Variants in COL19A1 observed in about 807,000 individuals in gnomAD.
The protein encoded by COL19A1 is collagen alpha-1(XIX) chain.
COL19A1 carries 159 observed loss-of-function variants against 190.2 expected under a neutral mutation model. The observed-to-expected ratio is 0.84, with a 90% confidence interval of 0.73 to 0.95. The LOEUF is 0.95. Among genes scored for constraint, COL19A1 ranks in the 40% least tolerant of loss-of-function variants. The probability of loss-of-function intolerance (pLI) is 0.00; values close to 1 mark genes in which losing one functional copy is unlikely to be tolerated. For missense variants in COL19A1, 1,418 were observed against 1,431.9 expected, an observed-to-expected ratio of 0.99 and a Z score of 0.16; for synonymous variants, 509 against 458.9, an observed-to-expected ratio of 1.11 and a Z score of -1.39.
Position 70,076,547 on chromosome 6 carries a change from G to C in COL19A1, c.1224+8071G>C, listed in dbSNP as rs115246118. Among the ~76,000 whole-genome samples, 350 of 152,318 alleles carry C rather than the reference G, an allele frequency of 2.3e-3. 6 individuals carry two copies. Among genetic ancestry groups the C allele is most frequent in the African/African-American group, 8.0e-3 (332 of 41,572 alleles). Reference sequence around the variant, plus strand: ...AACCTGCACCAACATTTGGGAACCAGCAATGCCTGGCCAGTGAGGGACCAG... The same window carrying C: ...AACCTGCACCAACATTTGGGAACCACCAATGCCTGGCCAGTGAGGGACCAG... On this transcript the variant is annotated intron_variant, in intron 15 of 50. Coordinates refer to ENST00000620364, the MANE Select transcript of COL19A1 (RefSeq NM_001858.6).
chr6:69,870,179 C>T (rs1582234616), intron 1 of COL19A1, among the ~76,000 whole-genome samples: 1 of 152,122 alleles, frequency 6.6e-6, no homozygotes. Context: ...AGTGTATTGC[C>T]TTAGACTGTA....
chr6:69,944,475 A>G (rs540997418), intron 9 of COL19A1, among the ~76,000 whole-genome samples: 3 of 152,284 alleles, frequency 2.0e-5, no homozygotes, highest in Admixed American at 2.0e-4. Flanking sequence ...CTGCTGAGCA[A>G]GGCAAAGATT....
At chr6:69,986,221 T>TTATATA (rs57648174) in intron 11 of COL19A1, among the ~76,000 whole-genome samples, 178 of 138,272 alleles carry the variant, frequency 1.3e-3, no homozygotes, top group Middle Eastern at 7.6e-3. Context: ...CTTACACGTT[T>TTATATA]TATATATATA....
chr6:70,124,336 TG>T (rs1337545492), intron 17 of COL19A1, among the ~76,000 whole-genome samples: 1 of 152,162 alleles, frequency 6.6e-6, no homozygotes, highest in Non-Finnish European at 1.5e-5. Context: ...CTATCGCCCT[TG>T]GTATAAAATA....
At chr6:70,152,939 G>A (rs538358899) in intron 31 of COL19A1, among the ~76,000 whole-genome samples, 6 of 152,096 alleles carry the variant, frequency 3.9e-5, no homozygotes, top group South Asian at 2.1e-4. Flanking sequence ...AGGCTCTGAC[G>A]GGAAGTGGAA....
chr6:69,972,065 A>G (rs78698850), intron 11 of COL19A1, among the ~76,000 whole-genome samples: 375 of 152,310 alleles, frequency 2.5e-3, no homozygotes, highest in Non-Finnish European at 4.8e-3. Flanking sequence ...TATTCCAGCC[A>G]CACTGACCTT....
intron 7 of COL19A1, among the ~76,000 whole-genome samples, chr6:69,936,231 G>A (rs889704446): frequency 6.6e-6 from 1 of 152,064 alleles, no homozygotes. Flanking sequence ...TGCACTACTT[G>A]TCTGTTGTAG....
intron 15 of COL19A1, among the ~76,000 whole-genome samples, chr6:70,076,772 A>G (rs529762005): frequency 6.6e-6 from 1 of 152,196 alleles, no homozygotes; most frequent in Non-Finnish European, 1.5e-5. Context: ...TATAAATATT[A>G]CCTACTTAGC....
intron 9 of COL19A1, among the ~76,000 whole-genome samples, chr6:69,941,707 T>C (rs575537485): frequency 1.3e-5 from 2 of 149,568 alleles, no homozygotes; most frequent in East Asian, 3.9e-4. Flanking sequence ...TTTTTTTTTT[T>C]AGACAGAGAC....
At chr6:70,040,799 T>G (rs1040676336) in intron 14 of COL19A1, among the ~76,000 whole-genome samples, 1 of 152,232 alleles carries the variant, frequency 6.6e-6, no homozygotes, top group Non-Finnish European at 1.5e-5. Flanking sequence ...CCTTTAAATA[T>G]TCTGTCAATC....
intron 15 of COL19A1, among the ~76,000 whole-genome samples, chr6:70,074,160 G>C (rs944313585): frequency 6.6e-6 from 1 of 152,138 alleles, no homozygotes; most frequent in Non-Finnish European, 1.5e-5. Flanking sequence ...CAGCAAGACA[G>C]TAATGCAGGT....
chr6:70,145,060 C>T, intron 25 of COL19A1, 53 bp downstream of exon 25: 7 of 1,254,762 alleles, frequency 5.6e-6, no homozygotes, highest in Non-Finnish European at 8.0e-6. Context: ...TTAATTACTA[C>T]TTGTGGGTTC....
In COL19A1 at chr6:70,172,689, A is replaced by G. The variant is rs144824586; in HGVS notation, c.2622+672A>G. ...TGGTAGAATTATCTTTGTTCATGAT[A>G]TGTTAGAAAATAAATAAAAGATTGC... is the stretch of plus-strand genomic sequence containing the variant. On this transcript the variant is annotated intron_variant, in intron 41 of 50. Transcript: ENST00000620364. Among the ~76,000 whole-genome samples, 355 of 152,328 alleles carry G rather than the reference A, an allele frequency of 2.3e-3. 3 individuals are homozygous for G. Among genetic ancestry groups the G allele is most frequent in the African/African-American group, 7.9e-3 (328 of 41,580 alleles).
At chr6:70,121,825 A>G (rs1784895282) in intron 16 of COL19A1, 55 bp from the exon 17 acceptor site, 2 of 1,099,938 alleles carry the variant, frequency 1.8e-6, no homozygotes, top group Non-Finnish European at 2.7e-6. Flanking sequence ...TTATTTAAAT[A>G]TTCATTGTTT....
chr6:70,205,847 C>A (rs980317423), intron 49 of COL19A1, among the ~76,000 whole-genome samples: 1 of 152,128 alleles, frequency 6.6e-6, no homozygotes, highest in Non-Finnish European at 1.5e-5. Flanking sequence ...AGATCTTAGA[C>A]CTAATTCATT....
intron 2 of COL19A1, among the ~76,000 whole-genome samples, chr6:69,881,482 G>A (rs1417393988): frequency 1.3e-5 from 2 of 152,174 alleles, no homozygotes; most frequent in Non-Finnish European, 2.9e-5. Flanking sequence ...TGTCTAGAAC[G>A]TAATCATCTT....
chr6:69,929,835 G>C lies in COL19A1; in HGVS notation c.666+135G>C, dbSNP rs74883689. ...ATTTTATTAATTTAATTAATTTGCCGTCAGATGTGTGAAGAACAGCTATGT... is the reference window on the plus strand; with the variant it reads ...ATTTTATTAATTTAATTAATTTGCCCTCAGATGTGTGAAGAACAGCTATGT... On this transcript the variant is annotated intron_variant, in intron 6 of 50. Coordinates refer to ENST00000620364, the MANE Select transcript of COL19A1 (RefSeq NM_001858.6). 1.3e-4 allele frequency: 104 copies of C among 812,882 alleles called. 1 individual carries two copies. The African/African-American group carries it at 1.5e-3, about 12-fold the overall frequency. 50.4% of individuals were successfully genotyped at this position (812,882 alleles called of 1,614,324 possible).
chr6:70,146,632 T>C (rs1562218254), intron 25 of COL19A1, 27 bp from the exon 26 acceptor site: 2 of 1,578,810 alleles, frequency 1.3e-6, no homozygotes, highest in South Asian at 1.1e-5. Flanking sequence ...TAGAAGAAGA[T>C]ATGTATTCAT....
intron 46 of COL19A1, among the ~76,000 whole-genome samples, chr6:70,185,826 C>T (rs1457006354): frequency 6.6e-6 from 1 of 152,024 alleles, no homozygotes; most frequent in Non-Finnish European, 1.5e-5. Flanking sequence ...AGTTCGCTAA[C>T]TTTTATTTAT....
Sources: allele counts gnomAD v4.1 joint callset (sites outside exome capture counted in the v4.1 genomes callset), GRCh38; gene constraint gnomAD v4.1.1; transcripts MANE v1.5; gene names NCBI Gene and HGNC (gene_info 2026-07-23, HGNC 2026-07-21).